The following SCN2A variants were observed in gnomAD, a reference collection of about 807,000 sequenced individuals.
The protein encoded by SCN2A is sodium channel protein type 2 subunit alpha.
A neutral mutation model predicts 188.7 loss-of-function variants in SCN2A; 20 were observed. The observed-to-expected ratio is 0.11, with a 90% CI of 0.07 to 0.15. The LOEUF (loss-of-function observed/expected upper bound fraction) is 0.15, where lower values mean the gene tolerates loss of function less well. SCN2A is among the 10% of genes least tolerant of loss of function. The pLI is 1.00. For synonymous variants in SCN2A, 804 were observed against 833.1 expected (o/e 0.97, Z 0.60); for missense variants, 1,278 against 2,445.0 (o/e 0.52, Z 10.07).
intron 1 of SCN2A, among the ~76,000 whole-genome samples, chr2:165,248,100 G>A (rs1693929836): frequency 1.3e-5 from 2 of 152,072 alleles, no homozygotes; most frequent in Non-Finnish European, 2.9e-5. Context: ...CCCTGCTCAA[G>A]CCACCATCAA....
chr2:165,302,977 A>G (rs1371015234), intron 3 of SCN2A, among the ~76,000 whole-genome samples: 1 of 152,214 alleles, frequency 6.6e-6, no homozygotes, highest in East Asian at 1.9e-4. Context: ...TAGATTAAAA[A>G]ACATCTTTGT....
intron 1 of SCN2A, among the ~76,000 whole-genome samples, chr2:165,241,461 T>C (rs1693619180): frequency 6.6e-6 from 1 of 152,230 alleles, no homozygotes; most frequent in South Asian, 2.1e-4. Context: ...TATCATCTCA[T>C]GTCCAAGCCT....
At chr2:165,381,034 G>A in intron 24 of SCN2A, 59 bp from the exon 25 acceptor site, 2 of 1,186,422 alleles carry the variant, frequency 1.7e-6, no homozygotes, top group Non-Finnish European at 2.4e-6. Context: ...GATTACTAAG[G>A]TGGATTTTAT....
intron 14 of SCN2A, among the ~76,000 whole-genome samples, chr2:165,332,007 A>AT (rs1348890833): frequency 2.0e-5 from 3 of 152,052 alleles, no homozygotes; most frequent in South Asian, 4.1e-4. Context: ...GGGGATTATT[A>AT]TTTTTTGTTT....
Position 165,342,459 on chromosome 2 carries a change from C to A in SCN2A, c.2552C>A (p.Ser851Ter). ...GTGGAAGGATTGTCAGTTCTCCGAT[C>A]ATTCCGGCTGGTAAATTAACTGGGA... is the stretch of plus-strand genomic sequence containing the variant. The part of the protein sequence containing the change: ...ANVEGLSVLR[S>*]FRLLRVFKLA... Residue 851 changes from serine (S) to a stop codon, truncating the protein, a stop_gained, in exon 15 of 27, where the codon TCA (serine) becomes TAA (stop). Transcript: ENST00000375437. LOFTEE classifies it high-confidence loss of function. 1 of 1,613,966 alleles carries A rather than the reference C, an allele frequency of 6.2e-7. No homozygotes were observed. Among genetic ancestry groups the A allele is most frequent in the South Asian group, 1.1e-5 (1 of 91,042 alleles).
intron 11 of SCN2A, among the ~76,000 whole-genome samples, chr2:165,319,547 A>T (rs1697961278): frequency 6.6e-6 from 1 of 152,216 alleles, no homozygotes; most frequent in Admixed American, 6.5e-5. Flanking sequence ...GTTATACCCA[A>T]GACTGGGCAA....
chr2:165,327,136 A>C, intron 13 of SCN2A, 152 bp downstream of exon 13: 1 of 952,356 alleles, frequency 1.1e-6, no homozygotes, highest in South Asian at 1.5e-5. Flanking sequence ...TAACTCATGG[A>C]TTCTATTATC....
chr2:165,286,600 T>G (rs1448359674), intron 1 of SCN2A, among the ~76,000 whole-genome samples: 1 of 152,184 alleles, frequency 6.6e-6, no homozygotes, highest in Non-Finnish European at 1.5e-5. Flanking sequence ...CAGGGCTGCT[T>G]GCAACCTCAC....
At chr2:165,355,862 G>A (rs576783503) in intron 17 of SCN2A, among the ~76,000 whole-genome samples, 233 of 152,010 alleles carry the variant, frequency 1.5e-3, no homozygotes, top group Non-Finnish European at 2.6e-3. Flanking sequence ...AGCCAGGCGT[G>A]GTGGTGCGTG....
intron 19 of SCN2A, among the ~76,000 whole-genome samples, chr2:165,368,783 T>A (rs1399169766): frequency 1.3e-5 from 2 of 151,866 alleles, no homozygotes; most frequent in Admixed American, 1.3e-4. Context: ...ATAACTAGAG[T>A]GTTTGGTGAG....
intron 14 of SCN2A, among the ~76,000 whole-genome samples, chr2:165,335,780 C>T (rs7580734): frequency 0.28 from 42,232 of 151,554 alleles, 6,209 homozygotes; most frequent in Middle Eastern, 0.48. Flanking sequence ...AACTTTCATA[C>T]TGCAAACAAT....
intron 1 of SCN2A, chr2:165,243,766 T>C (rs1693724814): frequency 6.6e-6 from 1 of 152,118 alleles, no homozygotes; most frequent in Non-Finnish European, 1.5e-5. Flanking sequence ...GAATGCATTT[T>C]CTTGCATTCA....
chr2:165,257,686 C>T (rs1391486676), intron 1 of SCN2A, among the ~76,000 whole-genome samples: 1 of 152,030 alleles, frequency 6.6e-6, no homozygotes, highest in African/African-American at 2.4e-5. Context: ...TTACAGGCGC[C>T]CCTCACCAGG....
intron 16 of SCN2A, among the ~76,000 whole-genome samples, chr2:165,345,432 C>A (rs552634045): frequency 5.2e-4 from 79 of 152,226 alleles, no homozygotes; most frequent in African/African-American, 1.7e-3. Context: ...GGATAGTTAG[C>A]TCTTCTTGTT....
At chr2:165,380,326 TG>T (rs1343076515) in intron 23 of SCN2A, among the ~76,000 whole-genome samples, 4 of 149,474 alleles carry the variant, frequency 2.7e-5, no homozygotes, top group Admixed American at 6.8e-5. Flanking sequence ...GAAAGGAAAG[TG>T]CATTCATAAT....
chr2:165,372,285 G>A (rs981631211), intron 20 of SCN2A: 4 of 152,030 alleles, frequency 2.6e-5, no homozygotes, highest in African/African-American at 4.8e-5. Context: ...CTTTCAAATT[G>A]CATGTGCAAA....
Position 165,389,771 on chromosome 2 carries a change from G to T in SCN2A, c.5965G>T (p.Asp1989Tyr). 6.2e-7 allele frequency: 1 copy of T among 1,612,848 alleles called. No individual in the cohort carries two copies. The highest frequency in any genetic ancestry group is 1.1e-5 in the South Asian group (1 of 90,868). ...TKPEKEKFEKDKSEKEDKGKD... is the reference protein window; with the variant it reads ...TKPEKEKFEKYKSEKEDKGKD... The stretch of plus-strand genomic sequence containing the variant: ...ACCAGAAAAAGAAAAATTTGAAAAA[G>T]ACAAATCAGAAAAGGAAGACAAAGG... Residue 1989 changes from aspartate (D) to tyrosine (Y), a missense_variant, in exon 27 of 27, where the codon GAC (aspartate) becomes TAC (tyrosine). Physicochemically the swap from Asp to Tyr is radical, Grantham distance 160. Transcript: ENST00000375437. The surrounding 1 kb of genome is among the most constrained non-coding windows in gnomAD (Gnocchi z 4.2).
At position 165,374,807 on chromosome 2, in the gene SCN2A, T is replaced by G; in HGVS notation, c.4095T>G (p.His1365Gln). ...GVNLFAGKFY[H>Q]CINYTTGEMF... ...ATCTCTTTGCTGGCAAGTTTTACCA[T>G]TGTATTAATTACACCACTGGAGAGA... is the stretch of plus-strand genomic sequence containing the variant. Residue 1365 changes from histidine (H) to glutamine (Q), a missense_variant, in exon 22 of 27, where the codon CAT becomes CAG. Coordinates refer to ENST00000375437, the MANE Select transcript of SCN2A (RefSeq NM_001040142.2). The G allele has an allele frequency of 6.2e-7, 1 of 1,613,606 alleles. No homozygotes were observed. The highest frequency in any genetic ancestry group is 8.5e-7 in the Non-Finnish European group (1 of 1,179,684).
intron 17 of SCN2A, among the ~76,000 whole-genome samples, chr2:165,359,323 G>A (rs1700334784): frequency 2.0e-5 from 3 of 151,988 alleles, no homozygotes; most frequent in African/African-American, 7.2e-5. Flanking sequence ...AGGCACTTTC[G>A]GATAATAGCT....
Sources: gnomAD v4.1 joint callset for allele counts (sites outside exome capture counted in the v4.1 genomes callset) on GRCh38, gnomAD v4.1.1 for gene constraint, Gnocchi (gnomAD v3.1) non-coding constraint, MANE v1.5 for transcripts, NCBI Gene and HGNC (gene_info 2026-07-23, HGNC 2026-07-21) for gene names.